BTBD1: variants seen among roughly 807,000 people sequenced by gnomAD.
The protein encoded by BTBD1 is BTB domain containing 1, also known as BTB/POZ domain-containing protein 1.
A neutral mutation model predicts 48.0 loss-of-function variants in BTBD1; 34 were observed. That is an observed-to-expected ratio of 0.71 (90% CI 0.54 to 0.94). The LOEUF is 0.94. BTBD1 is among the 40% of genes least tolerant of loss of function. The pLI, the probability that BTBD1 is intolerant of heterozygous loss-of-function variation, is 0.00. For synonymous variants in BTBD1, 261 were observed against 242.1 expected (o/e 1.08, Z -0.72); for missense variants, 543 against 625.6 (o/e 0.87, Z 1.41).
chr15:83,057,518 T>G (rs1302774700), intron 1 of BTBD1, among the ~76,000 whole-genome samples: 1 of 152,254 alleles, frequency 6.6e-6, no homozygotes, highest in East Asian at 1.9e-4. Flanking sequence ...CCTCTGCATT[T>G]TGGAAGATTT....
chr15:83,065,728 G>C (rs555587018), intron 1 of BTBD1, among the ~76,000 whole-genome samples: 1 of 152,318 alleles, frequency 6.6e-6, no homozygotes, highest in South Asian at 2.1e-4. Context: ...AGTCCCATTT[G>C]TGAAATTGGG....
chr15:83,030,104 C>T, intron 5 of BTBD1, 32 bp downstream of exon 5: 2 of 1,604,014 alleles, frequency 1.2e-6, no homozygotes, highest in Non-Finnish European at 1.7e-6. Flanking sequence ...GCTACCCCCA[C>T]TCTACCCCCG....
At chr15:83,040,699 C>CAAAAAAAAAAAAAA (rs71156070) in intron 4 of BTBD1, among the ~76,000 whole-genome samples, 5 of 57,240 alleles carry the variant, frequency 8.7e-5, no homozygotes, top group African/African-American at 1.3e-4. Context: ...GACCCTGTCT[C>CAAAAAAAAAAAAAA]AAAAAAAAAA....
At position 83,050,060 on chromosome 15, in the gene BTBD1, A is replaced by G. The variant is rs530371988; in HGVS notation, c.664+13T>C. 2.0e-6 allele frequency: 3 copies of G among 1,531,720 alleles called. No homozygotes were observed. The highest frequency in any genetic ancestry group is 4.5e-5 in the East Asian group (2 of 44,316). 94.9% of individuals were successfully genotyped at this position (1,531,720 alleles called of 1,614,324 possible). ...TACTTAAAATGTAACAATTTACTTCATAGCGAACTTACCTATATCAATATC... is the reference window on the plus strand; with the variant it reads ...TACTTAAAATGTAACAATTTACTTCGTAGCGAACTTACCTATATCAATATC... On this transcript the variant is annotated intron_variant, in intron 3 of 7. Transcript: ENST00000261721.
At position 83,066,852 on chromosome 15, in the gene BTBD1, G is replaced by A; in HGVS notation, c.300C>T (p.Gly100=). ...TGAACATGGCGTCAAAGACGGCGCTGCCGGCCGCCAGCACGAAGCGGTGGG... is the reference window on the plus strand; with the variant it reads ...TGAACATGGCGTCAAAGACGGCGCTACCGGCCGCCAGCACGAAGCGGTGGG... The part of the protein sequence containing the change: ...IPAHRFVLAA[G]SAVFDAMFNG... The change falls in exon 1 of 8, where the codon GGC becomes GGT. Residue 100 remains glycine, a synonymous_variant. Transcript: ENST00000261721. The A allele has an allele frequency of 6.9e-7, 1 of 1,452,604 alleles. No homozygotes were observed. Among genetic ancestry groups the A allele is most frequent in the South Asian group, 1.4e-5 (1 of 70,582 alleles). The allele number at this position is 1,452,604 out of a possible 1,614,324, so 90.0% of individuals were successfully genotyped here.
rs533874111 is a variant in BTBD1, at chr15:83,066,909, G to T, written c.243C>A (p.Ala81=). 5.2e-4 allele frequency: 797 copies of T among 1,522,504 alleles called. 10 individuals carry two copies. The South Asian group carries it at 8.9e-3, about 17-fold the overall frequency. The allele number at this position is 1,522,504 out of a possible 1,614,324, so 94.3% of individuals were successfully genotyped here. Residue 81 remains alanine (A), a synonymous_variant, in exon 1 of 8, where the codon GCC becomes GCA. Coordinates refer to ENST00000261721, the MANE Select transcript of BTBD1 (RefSeq NM_025238.4). ...TGCGCTGCGGGCCCCCAGCGGCGGC[G>T]GCGCCGCGACCCTTGCCCAGTACGA... ...VRFVLGKGRG[A]AAAGGPQRIP...
chr15:83,060,006 T>C (rs372088156), intron 1 of BTBD1, among the ~76,000 whole-genome samples: 3 of 152,220 alleles, frequency 2.0e-5, no homozygotes, highest in Admixed American at 6.5e-5. Flanking sequence ...TAAAAATAAA[T>C]ACTGGACAAT....
chr15:83,044,574 G>A, intron 3 of BTBD1: 3 of 1,597,650 alleles, frequency 1.9e-6, no homozygotes, highest in Non-Finnish European at 2.6e-6. Context: ...TACCCTGGGA[G>A]AGAAGTTTGA....
intron 3 of BTBD1, among the ~76,000 whole-genome samples, chr15:83,046,925 A>G (rs2151308971): frequency 6.6e-6 from 1 of 152,352 alleles, no homozygotes; most frequent in Non-Finnish European, 1.5e-5. Context: ...CTCCCAAAAA[A>G]TGAGTCATAT....
intron 4 of BTBD1, among the ~76,000 whole-genome samples, chr15:83,033,167 A>G (rs988779735): frequency 1.3e-5 from 2 of 151,564 alleles, no homozygotes; most frequent in African/African-American, 4.9e-5. Context: ...TGAAGCTGTG[A>G]ATAGCCACTG....
rs200566834 is a variant in BTBD1 at position 83,018,177 on chromosome 15, C to G, written c.1339G>C (p.Glu447Gln). Residue 447 changes from glutamate to glutamine, a missense_variant, in exon 8 of 8, where the codon GAG (glutamate) becomes CAG (glutamine). Coordinates refer to ENST00000261721, the MANE Select transcript of BTBD1 (RefSeq NM_025238.4). ...GTKGLKKVVHETPAASKTVFF... is the reference protein window; with the variant it reads ...GTKGLKKVVHQTPAASKTVFF... ...ACAGTCTTGCTTGCAGCAGGTGTCTCATGCACTACTTTCTTCAATCCTTTT... is the reference window on the plus strand; with the variant it reads ...ACAGTCTTGCTTGCAGCAGGTGTCTGATGCACTACTTTCTTCAATCCTTTT... The G allele has an allele frequency of 2.5e-6, 4 of 1,611,188 alleles. No homozygotes were observed. The highest frequency in any genetic ancestry group is 4.5e-5 in the East Asian group (2 of 44,712).
intron 5 of BTBD1, among the ~76,000 whole-genome samples, chr15:83,025,056 GT>G (rs778687852): frequency 9.2e-5 from 14 of 151,976 alleles, no homozygotes; most frequent in Non-Finnish European, 1.8e-4. Context: ...CAAATTAACT[GT>G]TAAGAATTTT....
Position 83,067,140 on chromosome 15 carries a change from G to A in BTBD1, c.12C>T (p.Leu4=), listed in dbSNP as rs967631156. 6 of 1,435,314 alleles carry A rather than the reference G, an allele frequency of 4.2e-6. No individual in the cohort carries two copies. Among genetic ancestry groups the A allele is most frequent in the African/African-American group, 3.0e-5 (2 of 66,916 alleles). The allele number at this position is 1,435,314 out of a possible 1,614,324, so 88.9% of individuals were successfully genotyped here. Residue 4 remains leucine, a synonymous_variant, in exon 1 of 8, where the codon CTC becomes CTT. Coordinates refer to ENST00000261721, the MANE Select transcript of BTBD1 (RefSeq NM_025238.4). ...CCTGCTCCCCAGCTGCGGCAGGCCC[G>A]AGTGAGGCCATCCTCCAGCTGCGCG... The part of the protein sequence containing the change: MAS[L]GPAAAGEQAS...
chr15:83,045,191 C>A (rs924923338), intron 3 of BTBD1, among the ~76,000 whole-genome samples: 2 of 152,068 alleles, frequency 1.3e-5, no homozygotes, highest in African/African-American at 4.8e-5. Context: ...ATAAACATTT[C>A]TTTAAATACT....
intron 3 of BTBD1, among the ~76,000 whole-genome samples, chr15:83,045,886 A>T (rs2032868754): frequency 6.6e-6 from 1 of 152,214 alleles, no homozygotes; most frequent in Non-Finnish European, 1.5e-5. Flanking sequence ...CTAAAAAAAA[A>T]AGCACATCAT....
At chr15:83,032,178 G>A (rs1012917030) in intron 4 of BTBD1, among the ~76,000 whole-genome samples, 1 of 152,094 alleles carries the variant, frequency 6.6e-6, no homozygotes. Flanking sequence ...AAAATTAGTT[G>A]GGTGCAGTGA....
Position 83,066,889 on chromosome 15 carries a change from T to G in BTBD1, c.263A>C (p.Gln88Pro). 1 of 1,508,450 alleles carries G rather than the reference T, an allele frequency of 6.6e-7. No homozygotes were observed. Among genetic ancestry groups the G allele is most frequent in the East Asian group, 2.7e-5 (1 of 36,724 alleles). The allele number at this position is 1,508,450 out of a possible 1,614,324, so 93.4% of individuals were successfully genotyped here. A position where few individuals can be genotyped will look rare whatever the true frequency, so the allele number is the denominator to read the frequency against. Residue 88 changes from glutamine (Q) to proline (P), a missense_variant, in exon 1 of 8, where the codon CAG becomes CCG. Coordinates refer to ENST00000261721, the MANE Select transcript of BTBD1 (RefSeq NM_025238.4). ...GRGAAAAGGP[Q>P]RIPAHRFVLA... ...CACGAAGCGGTGGGCGGGGATGCGCTGCGGGCCCCCAGCGGCGGCGGCGCC... is the reference window on the plus strand; with the variant it reads ...CACGAAGCGGTGGGCGGGGATGCGCGGCGGGCCCCCAGCGGCGGCGGCGCC...
At chr15:83,030,442 A>G in intron 4 of BTBD1, 114 bp from the exon 5 acceptor site, 1 of 815,052 alleles carries the variant, frequency 1.2e-6, no homozygotes, top group Non-Finnish European at 2.0e-6. Flanking sequence ...ATAGGGGAAA[A>G]AAATCTTAGC....
intron 5 of BTBD1, among the ~76,000 whole-genome samples, chr15:83,026,970 G>A (rs2032421661): frequency 1.4e-5 from 1 of 70,950 alleles, no homozygotes; most frequent in African/African-American, 8.3e-5. Flanking sequence ...GGGGAAATAC[G>A]TGTGTGTGTG....
Sources: allele counts gnomAD v4.1 joint callset (sites outside exome capture counted in the v4.1 genomes callset), GRCh38; gene constraint gnomAD v4.1.1; transcripts MANE v1.5; gene names NCBI Gene and HGNC (gene_info 2026-07-23, HGNC 2026-07-21).